The following EPHA3 variants were observed in gnomAD, a reference collection of about 807,000 sequenced individuals.
EPHA3 encodes the protein ephrin type-A receptor 3.
In EPHA3, 42 loss-of-function variants were observed where a neutral mutation model predicts 107.1. The observed-to-expected ratio is 0.39, with a 90% CI of 0.31 to 0.51. The LOEUF is 0.51. EPHA3 is among the 20% of genes least tolerant of loss of function. The pLI is 0.78. For missense variants in EPHA3, 1,183 were observed against 1,211.2 expected (o/e 0.98, Z 0.35); for synonymous variants, 461 against 424.8 (o/e 1.09, Z -1.05).
In EPHA3 at chr3:89,255,816, G is replaced by A. The variant is rs139657941; in HGVS notation, c.814+45296G>A. ...CTTAGGAGGCTAAGATAGGAGAATC[G>A]CTTGAACCCAGGAGATGGAGGATGC... On this transcript the variant is annotated intron_variant, in intron 3 of 16. Coordinates refer to ENST00000336596, the MANE Select transcript of EPHA3 (RefSeq NM_005233.6). Among the ~76,000 whole-genome samples, 1,415 of 151,916 alleles carry A rather than the reference G, an allele frequency of 9.3e-3. 25 individuals carry two copies. Among genetic ancestry groups the A allele is most frequent in the African/African-American group, 0.033 (1,349 of 41,412 alleles).
intron 3 of EPHA3, among the ~76,000 whole-genome samples, chr3:89,231,355 T>C (rs1704630302): frequency 6.6e-6 from 1 of 152,156 alleles, no homozygotes. Context: ...TAAATATGTA[T>C]GTATCTAAAT....
intron 3 of EPHA3, among the ~76,000 whole-genome samples, chr3:89,236,489 C>T (rs1275372874): frequency 1.4e-5 from 2 of 144,120 alleles, no homozygotes; most frequent in South Asian, 2.2e-4. Context: ...AAACTGTGTA[C>T]GAAATTTAGC....
intron 2 of EPHA3, among the ~76,000 whole-genome samples, chr3:89,172,760 G>A (rs1705237350): frequency 6.6e-6 from 1 of 152,024 alleles, no homozygotes; most frequent in Non-Finnish European, 1.5e-5. Context: ...ATTCCATATT[G>A]TTAATAATAA....
At chr3:89,115,305 C>A in intron 1 of EPHA3, among the ~76,000 whole-genome samples, 1 of 151,798 alleles carries the variant, frequency 6.6e-6, no homozygotes, top group Non-Finnish European at 1.5e-5. Flanking sequence ...CCTTTAGGCC[C>A]CTAGTAATTG....
At chr3:89,285,981 T>G (rs1706073073) in intron 3 of EPHA3, among the ~76,000 whole-genome samples, 1 of 152,106 alleles carries the variant, frequency 6.6e-6, no homozygotes, top group Admixed American at 6.6e-5. Context: ...TCTGCTGCCT[T>G]AATTGTCTGC....
At chr3:89,335,235 G>C (rs1707368917) in intron 3 of EPHA3, among the ~76,000 whole-genome samples, 1 of 152,146 alleles carries the variant, frequency 6.6e-6, no homozygotes, top group African/African-American at 2.4e-5. Context: ...CATATTCGGT[G>C]TCTGGTGAAG....
In EPHA3 at chr3:89,418,658, G is replaced by A. The variant is rs549749070; in HGVS notation, c.1889-547G>A. ...GTTATATTGTTGTTGTCCTCCAGAA[G>A]CCCAGAGACTTTTATAGCTGGTATG... On this transcript the variant is annotated intron_variant, in intron 10 of 16. Coordinates refer to ENST00000336596, the MANE Select transcript of EPHA3 (RefSeq NM_005233.6). 2.6e-5 allele frequency among the ~76,000 whole-genome samples: 4 copies of A among 151,424 alleles called. No individual in the cohort carries two copies. In the East Asian group the frequency reaches 5.8e-4, roughly 22 times the overall value.
At chr3:89,271,584 A>G (rs907876484) in intron 3 of EPHA3, among the ~76,000 whole-genome samples, 13 of 152,078 alleles carry the variant, frequency 8.5e-5, no homozygotes, top group South Asian at 2.1e-4. Flanking sequence ...TATGTAAAAC[A>G]AAACGTATAC....
At chr3:89,212,078 C>T (rs947023712) in intron 3 of EPHA3, among the ~76,000 whole-genome samples, 8 of 151,632 alleles carry the variant, frequency 5.3e-5, no homozygotes, top group Admixed American at 4.6e-4. Context: ...ACTATGCAAG[C>T]TTAAACTGAT....
intron 3 of EPHA3, among the ~76,000 whole-genome samples, chr3:89,297,010 C>A (rs1576296238): frequency 6.6e-6 from 1 of 152,174 alleles, no homozygotes; most frequent in East Asian, 1.9e-4. Context: ...CTCCAACTTT[C>A]ATAGAATTGA....
chr3:89,312,831 C>T (rs1374482922), intron 3 of EPHA3, among the ~76,000 whole-genome samples: 7 of 152,018 alleles, frequency 4.6e-5, no homozygotes, highest in Admixed American at 3.3e-4. Context: ...TGAGAATATG[C>T]GGTGTTTGGT....
chr3:89,436,452 A>G (rs1378742336), intron 13 of EPHA3, among the ~76,000 whole-genome samples: 5 of 152,220 alleles, frequency 3.3e-5, no homozygotes, highest in Admixed American at 1.3e-4. Flanking sequence ...TGGTGCCTCA[A>G]TGCAATGACC....
intron 2 of EPHA3, among the ~76,000 whole-genome samples, chr3:89,143,047 A>G (rs1389097311): frequency 6.6e-6 from 1 of 151,166 alleles, no homozygotes; most frequent in Admixed American, 6.6e-5. Context: ...AGAATATTCT[A>G]TAAAATATAA....
intron 2 of EPHA3, among the ~76,000 whole-genome samples, chr3:89,157,028 C>T (rs1214425161): frequency 6.6e-6 from 1 of 152,018 alleles, no homozygotes; most frequent in Non-Finnish European, 1.5e-5. Flanking sequence ...AACAAGGTGT[C>T]TGCCTCTTAA....
chr3:89,297,810 A>G (rs1387304215), intron 3 of EPHA3, among the ~76,000 whole-genome samples: 11 of 152,052 alleles, frequency 7.2e-5, no homozygotes, highest in Non-Finnish European at 1.5e-5. Flanking sequence ...CGAGGTGGGC[A>G]GATCACTTGA....
intron 3 of EPHA3, among the ~76,000 whole-genome samples, chr3:89,333,382 A>G: frequency 6.6e-6 from 1 of 152,018 alleles, no homozygotes; most frequent in Admixed American, 6.5e-5. Flanking sequence ...CTATTATCTT[A>G]CTCATATTTT....
At chr3:89,160,122 A>G (rs1280345786) in intron 2 of EPHA3, among the ~76,000 whole-genome samples, 8 of 152,176 alleles carry the variant, frequency 5.3e-5, no homozygotes, top group Non-Finnish European at 1.0e-4. Flanking sequence ...CAATTTCCTT[A>G]CATTCCGTTA....
chr3:89,213,244 G>A (rs80271337), intron 3 of EPHA3, among the ~76,000 whole-genome samples: 59 of 151,984 alleles, frequency 3.9e-4, no homozygotes, highest in African/African-American at 1.4e-3. Flanking sequence ...TTCCTTAAGG[G>A]GAGACACCAG....
intron 5 of EPHA3, among the ~76,000 whole-genome samples, chr3:89,342,858 TAC>T (rs144807058): frequency 0.031 from 4,360 of 138,828 alleles, 79 homozygotes; most frequent in East Asian, 0.11. Flanking sequence ...TTTTTACACA[TAC>T]ACACACACAC....
Sources: allele counts gnomAD v4.1 joint callset (sites outside exome capture counted in the v4.1 genomes callset), GRCh38; gene constraint gnomAD v4.1.1; transcripts MANE v1.5; gene names NCBI Gene and HGNC (gene_info 2026-07-23, HGNC 2026-07-21).